FAM107B: variants seen among roughly 807,000 people sequenced by gnomAD.
FAM107B encodes the protein family with sequence similarity 107 member B.
Under a neutral mutation model 31.5 loss-of-function variants are expected in FAM107B, and 21 were observed. That is an observed-to-expected ratio of 0.67 (90% CI 0.47 to 0.96). The LOEUF (loss-of-function observed/expected upper bound fraction) is 0.96, where lower values mean the gene tolerates loss of function less well. Ranked by LOEUF, FAM107B falls within the 40% of genes least tolerant of loss-of-function variation. The pLI, the probability that FAM107B is intolerant of heterozygous loss-of-function variation, is 0.00. For missense variants in FAM107B, 452 were observed against 377.1 expected (o/e 1.20, Z -1.64); for synonymous variants, 157 against 141.5 (o/e 1.11, Z -0.78).
chr10:14,604,394 C>A (rs866854872), intron 2 of FAM107B: 1 of 267,064 alleles, frequency 3.7e-6, no homozygotes, highest in Non-Finnish European at 5.7e-6. Flanking sequence ...CGGCGCAGGG[C>A]GGCTCTCGCT....
chr10:14,595,773 G>A (rs781617612), intron 2 of FAM107B, among the ~76,000 whole-genome samples: 1 of 152,054 alleles, frequency 6.6e-6, no homozygotes, highest in Admixed American at 6.5e-5. Context: ...TCAATCAATG[G>A]CACCATCTTT....
chr10:14,620,307 G>T (rs1003505152), intron 2 of FAM107B, among the ~76,000 whole-genome samples: 1 of 152,032 alleles, frequency 6.6e-6, no homozygotes, highest in Non-Finnish European at 1.5e-5. Flanking sequence ...ATGAGCCACC[G>T]CGCTTGGCCT....
chr10:14,761,035 A>T (rs1034065370), intron 1 of FAM107B, among the ~76,000 whole-genome samples: 15 of 129,942 alleles, frequency 1.2e-4, no homozygotes, highest in Non-Finnish European at 1.9e-4. Flanking sequence ...AAAAAAAAAA[A>T]AGAAAGACAT....
At chr10:14,608,846 G>C (rs545141116) in intron 2 of FAM107B, among the ~76,000 whole-genome samples, 3 of 152,210 alleles carry the variant, frequency 2.0e-5, no homozygotes, top group Admixed American at 6.5e-5. Context: ...GCTGTACTAG[G>C]AGAGGAGGAA....
At chr10:14,737,732 T>C (rs1466998327) in intron 1 of FAM107B, among the ~76,000 whole-genome samples, 1 of 149,002 alleles carries the variant, frequency 6.7e-6, no homozygotes, top group African/African-American at 2.5e-5. Flanking sequence ...TTTCCCAGGC[T>C]TCCCTGGCCC....
chr10:14,747,982 GTTC>G (rs1432908442), intron 1 of FAM107B, among the ~76,000 whole-genome samples: 1 of 152,176 alleles, frequency 6.6e-6, no homozygotes, highest in African/African-American at 2.4e-5. Flanking sequence ...CTACAGTGAA[GTTC>G]TTCTTCCTGA....
At chr10:14,687,313 G>A (rs1387097054) in intron 1 of FAM107B, among the ~76,000 whole-genome samples, 1 of 152,030 alleles carries the variant, frequency 6.6e-6, no homozygotes, top group Non-Finnish European at 1.5e-5. Flanking sequence ...GCAACCTCAC[G>A]GTCAAATAAA....
chr10:14,642,693 T>C (rs796247277), intron 2 of FAM107B, among the ~76,000 whole-genome samples: 10 of 152,310 alleles, frequency 6.6e-5, no homozygotes, highest in African/African-American at 2.4e-4. Context: ...AATTCCTTCT[T>C]CAATTAATGT....
intron 2 of FAM107B, among the ~76,000 whole-genome samples, chr10:14,632,251 T>C (rs1853374279): frequency 7.4e-6 from 1 of 135,978 alleles, no homozygotes; most frequent in African/African-American, 2.8e-5. Context: ...TGAGTGGAGA[T>C]CGCGTCACTG....
intron 1 of FAM107B, among the ~76,000 whole-genome samples, chr10:14,700,205 T>C (rs1467757238): frequency 1.3e-5 from 2 of 152,132 alleles, no homozygotes; most frequent in Non-Finnish European, 2.9e-5. Context: ...AGTGCTAGGA[T>C]TACAGGTGTG....
chr10:14,693,476 A>G (rs1855193628), intron 1 of FAM107B, among the ~76,000 whole-genome samples: 1 of 53,370 alleles, frequency 1.9e-5, no homozygotes, highest in Non-Finnish European at 4.3e-5. Context: ...ACACCGTCTC[A>G]AAAAAAAAAA....
At chr10:14,643,410 A>ATTTTT (rs202127820) in intron 2 of FAM107B, among the ~76,000 whole-genome samples, 1 of 140,248 alleles carries the variant, frequency 7.1e-6, no homozygotes, top group Non-Finnish European at 1.6e-5. Flanking sequence ...GGTCAGTCTA[A>ATTTTT]TTTTTTTTTT....
intron 1 of FAM107B, among the ~76,000 whole-genome samples, chr10:14,756,468 G>T (rs1044943665): frequency 1.3e-5 from 2 of 152,168 alleles, no homozygotes; most frequent in African/African-American, 4.8e-5. Context: ...GCTTTAAGAA[G>T]AAAGACTGGG....
intron 2 of FAM107B, among the ~76,000 whole-genome samples, chr10:14,597,195 T>C (rs1168837427): frequency 6.6e-6 from 1 of 152,232 alleles, no homozygotes; most frequent in South Asian, 2.1e-4. Flanking sequence ...AATGGCATTC[T>C]CAACTTCCTC....
intron 2 of FAM107B, among the ~76,000 whole-genome samples, chr10:14,566,848 G>A (rs1423822537): frequency 6.6e-6 from 1 of 152,210 alleles, no homozygotes; most frequent in Admixed American, 6.5e-5. Context: ...AATACCAGGA[G>A]AGAGGTTTAC....
intron 2 of FAM107B, among the ~76,000 whole-genome samples, chr10:14,552,358 A>G (rs1403514786): frequency 1.3e-5 from 2 of 152,212 alleles, no homozygotes; most frequent in Non-Finnish European, 2.9e-5. Context: ...TCTCTGCACA[A>G]TTAGACTTGC....
At chr10:14,679,701 G>C (rs1854781898) in intron 1 of FAM107B, among the ~76,000 whole-genome samples, 1 of 152,338 alleles carries the variant, frequency 6.6e-6, no homozygotes, top group South Asian at 2.1e-4. Context: ...AGGATGCAAA[G>C]TATTGTCCCG....
At chr10:14,553,319 T>TA in intron 2 of FAM107B, 1 of 1,261,358 alleles carries the variant, frequency 7.9e-7, no homozygotes, top group Non-Finnish European at 1.0e-6. Context: ...TCCCCACACT[T>TA]ACTAAAATAC....
At chr10:14,549,500 T>C (rs180858219) in intron 2 of FAM107B, among the ~76,000 whole-genome samples, 13 of 152,356 alleles carry the variant, frequency 8.5e-5, no homozygotes, top group Admixed American at 8.5e-4. Context: ...AAAGTTTAAA[T>C]GTAAACACAT....
Sources: allele counts gnomAD v4.1 joint callset (sites outside exome capture counted in the v4.1 genomes callset), GRCh38; gene constraint gnomAD v4.1.1; transcripts MANE v1.5; gene names NCBI Gene and HGNC (gene_info 2026-07-23, HGNC 2026-07-21).